The following TAX1BP1 variants were observed in gnomAD, a reference collection of about 807,000 sequenced individuals.
The protein encoded by TAX1BP1 is tax1-binding protein 1.
TAX1BP1 carries 62 observed loss-of-function variants against 97.7 expected under a neutral mutation model. The ratio of observed to expected loss-of-function variants is 0.63; its 90% confidence interval spans 0.52 to 0.78. The LOEUF (loss-of-function observed/expected upper bound fraction) is 0.78, where lower values mean the gene tolerates loss of function less well. Ranked by LOEUF, TAX1BP1 falls within the 30% of genes least tolerant of loss-of-function variation. The probability of loss-of-function intolerance (pLI) is 0.00; values close to 1 mark genes in which losing one functional copy is unlikely to be tolerated. For synonymous variants in TAX1BP1, 340 were observed against 304.2 expected (o/e 1.12, Z -1.23); for missense variants, 867 against 916.1 (o/e 0.95, Z 0.69).
chr7:27,765,192 T>C (rs569468214), intron 3 of TAX1BP1, among the ~76,000 whole-genome samples: 2 of 149,788 alleles, frequency 1.3e-5, no homozygotes, highest in African/African-American at 4.9e-5. Flanking sequence ...ATTTTTGTAT[T>C]TTTTGTAGTG....
chr7:27,778,533 CA>C (rs1318480061), intron 5 of TAX1BP1, among the ~76,000 whole-genome samples: 1 of 152,038 alleles, frequency 6.6e-6, no homozygotes, highest in Non-Finnish European at 1.5e-5. Context: ...ATCCAAAAGC[CA>C]ACCTATATTA....
chr7:27,778,486 C>T lies in TAX1BP1; in HGVS notation c.613-6677C>T, dbSNP rs6963780. Among the ~76,000 whole-genome samples the T allele has an allele frequency of 6.9e-3, 1,049 of 151,996 alleles. 17 individuals carry two copies. Among genetic ancestry groups the T allele is most frequent in the African/African-American group, 0.024 (979 of 41,426 alleles). Reference sequence around the variant, plus strand: ...TAGATAGGTTCTGTAAGATTGTATCCAGGATTATTCAGTTGCAGATATAAA... The same window carrying T: ...TAGATAGGTTCTGTAAGATTGTATCTAGGATTATTCAGTTGCAGATATAAA... On this transcript the variant is annotated intron_variant, in intron 5 of 16. Transcript: ENST00000396319.
At chr7:27,769,961 G>A (rs1369276889) in intron 5 of TAX1BP1, 127 bp downstream of exon 5, 7 of 810,802 alleles carry the variant, frequency 8.6e-6, no homozygotes, top group East Asian at 2.7e-5. Context: ...TTAGATAGAC[G>A]TTTATACAAG....
intron 8 of TAX1BP1, among the ~76,000 whole-genome samples, chr7:27,789,980 A>C (rs760754520): frequency 2.0e-5 from 3 of 151,958 alleles, no homozygotes; most frequent in Non-Finnish European, 2.9e-5. Flanking sequence ...AAAAATGACT[A>C]CTAGTTGCTA....
In TAX1BP1 at chr7:27,828,880, A is replaced by AAC. The variant is rs1295822053; in HGVS notation, c.*52_*53dup. On this transcript the variant is annotated 3_prime_UTR_variant, in exon 17 of 17. Transcript: ENST00000396319. ...GTTTAGCAGTAAAAAAAAAAAAAAAAACCACACCTAAAATAGACCACTGAG... is the reference window on the plus strand; with the variant it reads ...GTTTAGCAGTAAAAAAAAAAAAAAAAACACCACACCTAAAATAGACCACTGAG... The AAC allele has an allele frequency of 2.1e-6, 3 of 1,416,978 alleles. No individual in the cohort carries two copies. The highest frequency in any genetic ancestry group is 2.9e-6 in the Non-Finnish European group (3 of 1,039,716). 87.8% of individuals were successfully genotyped at this position (1,416,978 alleles called of 1,614,324 possible). A position where few individuals can be genotyped will look rare whatever the true frequency, so the allele number is the denominator to read the frequency against.
At chr7:27,796,536 G>A (rs1249078807) in intron 12 of TAX1BP1, among the ~76,000 whole-genome samples, 1 of 152,176 alleles carries the variant, frequency 6.6e-6, no homozygotes, top group Admixed American at 6.5e-5. Context: ...AAAAATATTT[G>A]AACTTCATAA....
At chr7:27,739,565 T>C (rs1787487854), upstream of TAX1BP1, 1 of 152,028 alleles carries the variant, frequency 6.6e-6, no homozygotes. Flanking sequence ...CTCACAGAAA[T>C]GCGGCTAGAA....
chr7:27,772,955 C>G (rs948958501), intron 5 of TAX1BP1, among the ~76,000 whole-genome samples: 2 of 151,968 alleles, frequency 1.3e-5, no homozygotes, highest in African/African-American at 4.8e-5. Flanking sequence ...GGATAATTTT[C>G]CATTCCTTTC....
intron 1 of TAX1BP1, among the ~76,000 whole-genome samples, chr7:27,748,173 A>G (rs1787895543): frequency 6.6e-6 from 1 of 152,168 alleles, no homozygotes; most frequent in Non-Finnish European, 1.5e-5. Context: ...CAGCAGGTTT[A>G]TATTGGCAGC....
intron 2 of TAX1BP1, among the ~76,000 whole-genome samples, chr7:27,756,475 A>T (rs1181281888): frequency 6.6e-6 from 1 of 152,154 alleles, no homozygotes; most frequent in African/African-American, 2.4e-5. Flanking sequence ...ACAAGCACTT[A>T]TGTGATAGGC....
intron 15 of TAX1BP1, among the ~76,000 whole-genome samples, chr7:27,822,264 G>C (rs953679601): frequency 6.6e-6 from 1 of 152,192 alleles, no homozygotes; most frequent in Non-Finnish European, 1.5e-5. Flanking sequence ...TCATGTGTTA[G>C]ACATTTGGGT....
intron 7 of TAX1BP1, among the ~76,000 whole-genome samples, chr7:27,786,166 C>G (rs1443376013): frequency 6.7e-6 from 1 of 148,688 alleles, no homozygotes; most frequent in East Asian, 2.0e-4. Flanking sequence ...GAGTCTCGCT[C>G]TGTCGCCCAG....
intron 12 of TAX1BP1, among the ~76,000 whole-genome samples, chr7:27,798,707 T>C (rs978483559): frequency 8.7e-5 from 13 of 149,684 alleles, no homozygotes; most frequent in African/African-American, 3.2e-4. Context: ...TTTTGTAAGG[T>C]GTTTGTACCA....
Position 27,748,592 on chromosome 7 carries a change from C to T in TAX1BP1, c.68C>T (p.Ala23Val), listed in dbSNP as rs1008495644. Residue 23 changes from alanine (A) to valine (V), a missense_variant, in exon 2 of 17, where the codon GCC becomes GTC. Physicochemically the swap from Ala to Val is moderately conservative, Grantham distance 64 (BLOSUM62 0). Around this residue, in one of 3 missense-constraint regions of TAX1BP1, gnomAD observed 822 missense variants for 851.4 expected, o/e 0.97. Transcript: ENST00000396319. ...GCCCATGTCATCTTTCAAAATGTGG[C>T]CAAGAGTTACCTTCCTAATGCACAC... is the stretch of plus-strand genomic sequence containing the variant. ...NFAHVIFQNV[A>V]KSYLPNAHLE... is the part of the protein sequence containing the mutation. The T allele has an allele frequency of 1.2e-6, 2 of 1,605,810 alleles. No homozygotes were observed. Among genetic ancestry groups the T allele is most frequent in the East Asian group, 2.2e-5 (1 of 44,650 alleles).
At chr7:27,763,494 C>T (rs1241540556) in intron 3 of TAX1BP1, among the ~76,000 whole-genome samples, 3 of 151,900 alleles carry the variant, frequency 2.0e-5, no homozygotes, top group Non-Finnish European at 4.4e-5. Flanking sequence ...AGGCCGGGCA[C>T]GGTGGCTCAC....
At chr7:27,790,117 A>G (rs1004582858) in intron 8 of TAX1BP1, among the ~76,000 whole-genome samples, 1 of 152,138 alleles carries the variant, frequency 6.6e-6, no homozygotes, top group Non-Finnish European at 1.5e-5. Flanking sequence ...TATTGAATTT[A>G]TGAATATACG....
chr7:27,770,126 T>G (rs568156399), intron 5 of TAX1BP1, among the ~76,000 whole-genome samples: 1 of 152,224 alleles, frequency 6.6e-6, no homozygotes, highest in Non-Finnish European at 1.5e-5. Flanking sequence ...CTTGATTTTT[T>G]TTGTTTAGAA....
intron 5 of TAX1BP1, among the ~76,000 whole-genome samples, chr7:27,778,593 G>A (rs62451066): frequency 0.099 from 15,017 of 152,042 alleles, 817 homozygotes; most frequent in South Asian, 0.12. Flanking sequence ...GGCCAGGTGC[G>A]GTGGCTCACG....
chr7:27,778,465 T>C (rs1789119625), intron 5 of TAX1BP1, among the ~76,000 whole-genome samples: 3 of 152,196 alleles, frequency 2.0e-5, no homozygotes, highest in Admixed American at 1.3e-4. Flanking sequence ...AGAATATAGA[T>C]AGGTTCTGTA....
Sources: allele counts gnomAD v4.1 joint callset (sites outside exome capture counted in the v4.1 genomes callset), GRCh38; gene constraint gnomAD v4.1.1; regional missense constraint gnomAD v4.1.1; transcripts MANE v1.5; gene names NCBI Gene and HGNC (gene_info 2026-07-23, HGNC 2026-07-21).